Variants in KAT6B observed in about 807,000 individuals in gnomAD.
KAT6B encodes histone acetyltransferase KAT6B.
In KAT6B, 10 loss-of-function variants were observed where a neutral mutation model predicts 187.5. The observed-to-expected ratio is 0.05, with a 90% CI of 0.03 to 0.09. The LOEUF is 0.09. Among genes scored for constraint, KAT6B ranks in the 10% least tolerant of loss-of-function variants. KAT6B has a pLI of 1.00. For missense variants in KAT6B, 1,952 were observed against 2,558.9 expected (o/e 0.76, Z 5.12); for synonymous variants, 861 against 926.8 (o/e 0.93, Z 1.29).
chr10:74,985,072 T>C lies in KAT6B; in HGVS notation c.2374-8T>C. ...TGTTAAATAATGTTGTCTGTTTCTT[T>C]TTGCTAGGTTGATGGGAATATGAGC... On this transcript the variant is annotated splice_polypyrimidine_tract_variant and splice_region_variant and intron_variant, in intron 11 of 17. Coordinates refer to ENST00000287239, the MANE Select transcript of KAT6B (RefSeq NM_012330.4). 6.2e-7 allele frequency: 1 copy of C among 1,613,440 alleles called. No homozygotes were observed. Among genetic ancestry groups the C allele is most frequent in the Non-Finnish European group, 8.5e-7 (1 of 1,179,418 alleles).
chr10:74,957,955 T>G (rs993707701), intron 3 of KAT6B, among the ~76,000 whole-genome samples: 1 of 152,244 alleles, frequency 6.6e-6, no homozygotes, highest in African/African-American at 2.4e-5. Context: ...CAGAATGTTT[T>G]ATAATCTACT....
chr10:74,960,106 A>G (rs1286253938), intron 4 of KAT6B, 28 bp downstream of exon 4: 1 of 1,314,936 alleles, frequency 7.6e-7, no homozygotes, highest in Non-Finnish European at 1.1e-6. Context: ...TATGTGTTGT[A>G]CAATGACTTC....
chr10:75,027,375 C>G (rs984762163), intron 17 of KAT6B, among the ~76,000 whole-genome samples: 1 of 152,120 alleles, frequency 6.6e-6, no homozygotes, highest in African/African-American at 2.4e-5. Flanking sequence ...CTGCTGTCCA[C>G]CAGTTGGACT....
At chr10:74,894,913 A>G (rs779380844) in intron 3 of KAT6B, among the ~76,000 whole-genome samples, 1 of 152,174 alleles carries the variant, frequency 6.6e-6, no homozygotes. Context: ...CCTTTTGGCT[A>G]TATACCCAGA....
At chr10:75,004,523 T>C (rs1200081060) in intron 13 of KAT6B, among the ~76,000 whole-genome samples, 1 of 152,212 alleles carries the variant, frequency 6.6e-6, no homozygotes, top group African/African-American at 2.4e-5. Context: ...GTCTAGGTGA[T>C]GAGGACATAA....
intron 11 of KAT6B, chr10:74,983,782 T>C (rs974413745): frequency 1.3e-5 from 2 of 152,186 alleles, no homozygotes; most frequent in African/African-American, 2.4e-5. Flanking sequence ...AATTCACTTA[T>C]ACGAATAAGG....
At chr10:74,959,294 G>A (rs1421162829) in intron 3 of KAT6B, among the ~76,000 whole-genome samples, 1 of 152,022 alleles carries the variant, frequency 6.6e-6, no homozygotes, top group East Asian at 1.9e-4. Context: ...ATTTAATAAA[G>A]TCTTAACAGT....
intron 3 of KAT6B, among the ~76,000 whole-genome samples, chr10:74,947,799 T>G (rs1379890797): frequency 3.9e-5 from 6 of 152,224 alleles, no homozygotes; most frequent in Admixed American, 2.0e-4. Context: ...ATGCCTGGTA[T>G]TTCTTCTCCT....
chr10:74,898,929 T>TC (rs1846177781), intron 3 of KAT6B, among the ~76,000 whole-genome samples: 1 of 149,224 alleles, frequency 6.7e-6, no homozygotes, highest in Non-Finnish European at 1.5e-5. Context: ...GGTGGGTGGA[T>TC]CACTTGAGGT....
chr10:74,850,958 G>A (rs944101899), intron 3 of KAT6B, among the ~76,000 whole-genome samples: 4 of 152,152 alleles, frequency 2.6e-5, no homozygotes, highest in African/African-American at 4.8e-5. Context: ...GGTTGGCATC[G>A]TAATTGGAAG....
chr10:74,876,257 A>G (rs1844410002), intron 3 of KAT6B, among the ~76,000 whole-genome samples: 1 of 152,150 alleles, frequency 6.6e-6, no homozygotes, highest in Admixed American at 6.5e-5. Flanking sequence ...GGCAGTAGAA[A>G]AATAGGTTTC....
intron 13 of KAT6B, among the ~76,000 whole-genome samples, chr10:75,009,563 G>A (rs1192282422): frequency 6.6e-6 from 1 of 152,184 alleles, no homozygotes. Flanking sequence ...GTTCATTCCA[G>A]GGGCTTAGAG....
chr10:74,879,667 T>C (rs980521455), intron 3 of KAT6B, among the ~76,000 whole-genome samples: 1 of 152,236 alleles, frequency 6.6e-6, no homozygotes, highest in Non-Finnish European at 1.5e-5. Context: ...GAATCTGAGC[T>C]CAGGGTTCTT....
At chr10:74,838,433 C>G (rs974075921) in intron 1 of KAT6B, among the ~76,000 whole-genome samples, 5 of 151,996 alleles carry the variant, frequency 3.3e-5, no homozygotes, top group Admixed American at 2.6e-4. Flanking sequence ...AAAATTTGAA[C>G]AGGTCTGGGC....
intron 3 of KAT6B, among the ~76,000 whole-genome samples, chr10:74,881,327 TC>T (rs1488364830): frequency 6.6e-6 from 1 of 152,126 alleles, no homozygotes; most frequent in African/African-American, 2.4e-5. Context: ...ATCAGAGTTG[TC>T]CCCAGTTGGC....
At position 75,022,157 on chromosome 10, in the gene KAT6B, G is replaced by A; in HGVS notation, c.3298G>A (p.Glu1100Lys). The A allele has an allele frequency of 1.2e-6, 2 of 1,613,218 alleles. No individual in the cohort carries two copies. Among genetic ancestry groups the A allele is most frequent in the Non-Finnish European group, 1.7e-6 (2 of 1,179,830 alleles). The change falls in exon 16 of 18, where the codon GAA becomes AAA. Residue 1100 changes from glutamate (E) to lysine (K), a missense_variant. Coordinates refer to ENST00000287239, the MANE Select transcript of KAT6B (RefSeq NM_012330.4). Reference sequence around the variant, plus strand: ...AGAGGAGGAAGAAGAGGAAGAAGAAGAAGAAGAAGAAGAAAATATTCAAAG... The same window carrying A: ...AGAGGAGGAAGAAGAGGAAGAAGAAAAAGAAGAAGAAGAAAATATTCAAAG... ...DEEEEEEEEE[E>K]EEEENIQSSP...
chr10:75,010,911 G>A (rs1411499482), intron 13 of KAT6B, among the ~76,000 whole-genome samples: 1 of 152,190 alleles, frequency 6.6e-6, no homozygotes, highest in African/African-American at 2.4e-5. Flanking sequence ...AATCTTAAAG[G>A]TAAAGCATTT....
intron 3 of KAT6B, among the ~76,000 whole-genome samples, chr10:74,852,435 G>A (rs920816559): frequency 6.6e-6 from 1 of 152,152 alleles, no homozygotes; most frequent in East Asian, 1.9e-4. Context: ...GAAAAAAATT[G>A]CAGTTCATGT....
chr10:74,988,979 C>A, intron 12 of KAT6B, 40 bp from the exon 13 acceptor site: 1 of 1,414,162 alleles, frequency 7.1e-7, no homozygotes, highest in Non-Finnish European at 1.0e-6. Context: ...CCCACTTCAG[C>A]AGGGCTCTGA....
Sources: gnomAD v4.1 joint callset for allele counts (sites outside exome capture counted in the v4.1 genomes callset) on GRCh38, gnomAD v4.1.1 for gene constraint, MANE v1.5 for transcripts, NCBI Gene and HGNC (gene_info 2026-07-23, HGNC 2026-07-21) for gene names.